UQCRB: variants seen among roughly 807,000 people sequenced by gnomAD.
The protein encoded by UQCRB is cytochrome b-c1 complex subunit 7.
Under a neutral mutation model 19.8 loss-of-function variants are expected in UQCRB, and 12 were observed. The observed-to-expected ratio is 0.61, with a 90% CI of 0.39 to 0.98. The LOEUF (loss-of-function observed/expected upper bound fraction) is 0.98, where lower values mean the gene tolerates loss of function less well. UQCRB is among the 50% of genes least tolerant of loss of function. The pLI is 0.00. For missense variants in UQCRB, 142 were observed against 131.8 expected, an observed-to-expected ratio of 1.08 and a Z score of -0.38; for synonymous variants, 39 against 42.9, an observed-to-expected ratio of 0.91 and a Z score of 0.35.
chr8:96,235,387 G>A (rs1205585999), intron 1 of UQCRB, 125 bp downstream of exon 1: 2 of 1,373,222 alleles, frequency 1.5e-6, no homozygotes, highest in Non-Finnish European at 2.1e-6. Context: ...CTGGACTGAA[G>A]CAGCCAATTT....
At chr8:96,231,222 T>A in intron 3 of UQCRB, 90 bp from the exon 4 acceptor site, 1 of 1,612,536 alleles carries the variant, frequency 6.2e-7, no homozygotes, top group Non-Finnish European at 8.5e-7. Context: ...AAAAAAGCAA[T>A]TACTTTTGAA....
In UQCRB at chr8:96,224,170, C is replaced by T. The variant is rs959490630; in HGVS notation, c.*6885G>A. 5.3e-5 allele frequency among the ~76,000 whole-genome samples: 8 copies of T among 152,072 alleles called. No homozygotes were observed. The highest frequency in any genetic ancestry group is 1.9e-4 in the African/African-American group (8 of 41,382). ...AGTGTGGCACACCCAATCAGGCAAA[C>T]CAAAGAATGTCCAATGAAGGGACAA... On this transcript the variant is annotated 3_prime_UTR_variant, in exon 4 of 4. Transcript: ENST00000287022.
chr8:96,231,407 G>A, intron 3 of UQCRB: 1 of 1,537,294 alleles, frequency 6.5e-7, no homozygotes. Context: ...CAGTTCAAGG[G>A]GTGAGAGTTT....
At position 96,224,393 on chromosome 8, in the gene UQCRB, C is replaced by G. The variant is rs1233731247; in HGVS notation, c.*6662G>C. 6.6e-6 allele frequency among the ~76,000 whole-genome samples: 1 copy of G among 152,156 alleles called. No homozygotes were observed. The highest frequency in any genetic ancestry group is 1.9e-4 in the East Asian group (1 of 5,186). On this transcript the variant is annotated 3_prime_UTR_variant, in exon 4 of 4. Transcript: ENST00000287022. Reference sequence around the variant, plus strand: ...CCTCTCTTGCAGGTGGCCACCCTCCCCACACTGGCTGGCCAAGCCCAAGCC... The same window carrying G: ...CCTCTCTTGCAGGTGGCCACCCTCCGCACACTGGCTGGCCAAGCCCAAGCC...
Position 96,223,738 on chromosome 8 carries a change from G to T in UQCRB, c.*7317C>A, listed in dbSNP as rs1235258722. 6.6e-6 allele frequency among the ~76,000 whole-genome samples: 1 copy of T among 152,208 alleles called. No individual in the cohort carries two copies. The highest frequency in any genetic ancestry group is 1.5e-5 in the Non-Finnish European group (1 of 68,030). ...AGGTAGAATTTTGCAGAATGTGTTT[G>T]GGGAAGAGGGAGTTAAAACAGGAGG... On this transcript the variant is annotated 3_prime_UTR_variant, in exon 4 of 4. Coordinates refer to ENST00000287022, the MANE Select transcript of UQCRB (RefSeq NM_006294.5).
At position 96,229,230 on chromosome 8, in the gene UQCRB, A is replaced by C. The variant is rs1471669175; in HGVS notation, c.*1825T>G. The C allele has an allele frequency of 2.2e-6, 1 of 454,034 alleles. No homozygotes were observed. The highest frequency in any genetic ancestry group is 4.4e-6 in the Non-Finnish European group (1 of 226,812). The allele number at this position is 454,034 out of a possible 1,614,324, so 28.1% of individuals were successfully genotyped here. ...AAAATCAGAGGTTGCCTTATGTAAT[A>C]CCACACTTTACCTTGAGCAGGTGGA... is the stretch of plus-strand genomic sequence containing the variant. On this transcript the variant is annotated 3_prime_UTR_variant, in exon 4 of 4. Transcript: ENST00000287022.
chr8:96,223,635 A>G lies in UQCRB; in HGVS notation c.*7420T>C, dbSNP rs965714521. On this transcript the variant is annotated 3_prime_UTR_variant, in exon 4 of 4. Transcript: ENST00000287022. The stretch of plus-strand genomic sequence containing the variant: ...GAATTTAATTTTTGTCTTAAAGTAA[A>G]GCTAGAATTTAGACAGAGTATGGTG... 2.1e-4 allele frequency among the ~76,000 whole-genome samples: 24 copies of G among 115,664 alleles called. No homozygotes were observed. Among genetic ancestry groups the G allele is most frequent in the Admixed American group, 3.1e-4 (4 of 12,838 alleles). The allele number at this position is 115,664 out of a possible 152,430, so 75.9% of individuals were successfully genotyped here.
Position 96,230,888 on chromosome 8 carries a change from G to T in UQCRB, c.*167C>A. On this transcript the variant is annotated 3_prime_UTR_variant, in exon 4 of 4. Transcript: ENST00000287022. ...GTTTGGAAAAAAATTTAACAGTAAA[G>T]GGATTCAGTAGTTATTCAGTATAAG... 1.2e-6 allele frequency: 1 copy of T among 801,248 alleles called. No homozygotes were observed. Among genetic ancestry groups the T allele is most frequent in the Non-Finnish European group, 2.2e-6 (1 of 462,590 alleles). 49.6% of individuals were successfully genotyped at this position (801,248 alleles called of 1,614,324 possible).
In UQCRB at chr8:96,227,106, T is replaced by C. The variant is rs932781010; in HGVS notation, c.*3949A>G. On this transcript the variant is annotated 3_prime_UTR_variant, in exon 4 of 4. Coordinates refer to ENST00000287022, the MANE Select transcript of UQCRB (RefSeq NM_006294.5). ...TAACATCTATAGACTTTATTAGGTG[T>C]TCCTTATACAGTCATCTGGTATGTT... 2.6e-5 allele frequency: 12 copies of C among 452,958 alleles called. No individual in the cohort carries two copies. The highest frequency in any genetic ancestry group is 5.3e-5 in the Non-Finnish European group (12 of 226,448). 28.1% of individuals were successfully genotyped at this position (452,958 alleles called of 1,614,324 possible).
intron 2 of UQCRB, chr8:96,232,197 T>G: frequency 2.3e-6 from 1 of 432,438 alleles, no homozygotes; most frequent in Non-Finnish European, 4.2e-6. Flanking sequence ...GGAAACAATA[T>G]ATGAGCCTCT....
chr8:96,225,259 T>C lies in UQCRB; in HGVS notation c.*5796A>G, dbSNP rs1163312308. Among the ~76,000 whole-genome samples, 1 of 152,200 alleles carries C rather than the reference T, an allele frequency of 6.6e-6. No individual in the cohort carries two copies. The highest frequency in any genetic ancestry group is 1.5e-5 in the Non-Finnish European group (1 of 68,040). ...CTACTCAATCCAAGAAATGCAAGTT[T>C]AAACAAGAAACTCTCCAACCAAATT... On this transcript the variant is annotated 3_prime_UTR_variant, in exon 4 of 4. Coordinates refer to ENST00000287022, the MANE Select transcript of UQCRB (RefSeq NM_006294.5).
rs776177377 is a variant in UQCRB, at chr8:96,230,340, G to C, written c.*715C>G. The C allele has an allele frequency of 1.9e-5, 8 of 422,948 alleles. No individual in the cohort carries two copies. The highest frequency in any genetic ancestry group is 3.7e-5 in the Non-Finnish European group (8 of 213,476). 26.2% of individuals were successfully genotyped at this position (422,948 alleles called of 1,614,324 possible). ...GACCCGCCCGCCTCGGCCTCCCAAAGTGCTGGGATTACAGGCATGAGCCAC... is the reference window on the plus strand; with the variant it reads ...GACCCGCCCGCCTCGGCCTCCCAAACTGCTGGGATTACAGGCATGAGCCAC... On this transcript the variant is annotated 3_prime_UTR_variant, in exon 4 of 4. Transcript: ENST00000287022.
rs2129764968 is a variant in UQCRB, at chr8:96,224,171, C to A, written c.*6884G>T. On this transcript the variant is annotated 3_prime_UTR_variant, in exon 4 of 4. Coordinates refer to ENST00000287022, the MANE Select transcript of UQCRB (RefSeq NM_006294.5). ...GTGTGGCACACCCAATCAGGCAAAC[C>A]AAAGAATGTCCAATGAAGGGACAAT... Among the ~76,000 whole-genome samples the A allele has an allele frequency of 6.6e-6, 1 of 152,202 alleles. No homozygotes were observed. The highest frequency in any genetic ancestry group is 1.9e-4 in the East Asian group (1 of 5,180).
In UQCRB at chr8:96,226,747, G is replaced by GT; in HGVS notation, c.*4307dup. 2.5e-6 allele frequency: 1 copy of GT among 395,134 alleles called. No homozygotes were observed. Among genetic ancestry groups the GT allele is most frequent in the Non-Finnish European group, 4.9e-6 (1 of 204,748 alleles). The allele number at this position is 395,134 out of a possible 1,614,324, so 24.5% of individuals were successfully genotyped here. ...TACATTTATGCAAAAATAGGCACATGTATTCAAACAAAAAGTTCAATAAAT... is the reference window on the plus strand; with the variant it reads ...TACATTTATGCAAAAATAGGCACATGTTATTCAAACAAAAAGTTCAATAAAT... On this transcript the variant is annotated 3_prime_UTR_variant, in exon 4 of 4. Coordinates refer to ENST00000287022, the MANE Select transcript of UQCRB (RefSeq NM_006294.5).
At chr8:96,234,396 T>C (rs1809750662) in intron 1 of UQCRB, 1 of 716,852 alleles carries the variant, frequency 1.4e-6, no homozygotes, top group Admixed American at 2.6e-5. Flanking sequence ...TACATGTCTG[T>C]TACTACAGAA....
rs73269961 is a variant in UQCRB at position 96,227,724 on chromosome 8, G to A, written c.*3331C>T. The A allele has an allele frequency of 2.5e-3, 1,156 of 453,672 alleles. 7 individuals are homozygous for A. The highest frequency in any genetic ancestry group is 0.021 in the African/African-American group (1,075 of 50,068). 28.1% of individuals were successfully genotyped at this position (453,672 alleles called of 1,614,324 possible). ...GTGAAGGATTATTACTTTGGGCTTT[G>A]GCCCAGTTTTTATTCTTACTGCTGA... On this transcript the variant is annotated 3_prime_UTR_variant, in exon 4 of 4. Transcript: ENST00000287022.
rs1221142005 is a variant in UQCRB, at chr8:96,228,566, C to T, written c.*2489G>A. ...CGACATTGATGATATTCAGCGTTTT[C>T]CCAAGTTATTCTTTCTCGCTTCTCA... is the stretch of plus-strand genomic sequence containing the variant. On this transcript the variant is annotated 3_prime_UTR_variant, in exon 4 of 4. Transcript: ENST00000287022. The T allele has an allele frequency of 2.2e-6, 1 of 453,972 alleles. No homozygotes were observed. Among genetic ancestry groups the T allele is most frequent in the Non-Finnish European group, 4.4e-6 (1 of 226,788 alleles). 28.1% of individuals were successfully genotyped at this position (453,972 alleles called of 1,614,324 possible). A position where few individuals can be genotyped will look rare whatever the true frequency, so the allele number is the denominator to read the frequency against.
rs771528087 is a variant in UQCRB, at chr8:96,235,499, C to G, written c.19+13G>C. 28 of 1,614,210 alleles carry G rather than the reference C, an allele frequency of 1.7e-5. No homozygotes were observed. In the South Asian group the frequency reaches 3.1e-4, roughly 18 times the overall value. On this transcript the variant is annotated intron_variant, in intron 1 of 3. Transcript: ENST00000287022. ...CGCGACGATGCCGGCCAAGAAGACCCCCAGTTACTTACCGGCCTGCTTACC... is the reference window on the plus strand; with the variant it reads ...CGCGACGATGCCGGCCAAGAAGACCGCCAGTTACTTACCGGCCTGCTTACC...
Position 96,223,687 on chromosome 8 carries a change from C to T in UQCRB, c.*7368G>A, listed in dbSNP as rs1424491741. Among the ~76,000 whole-genome samples, 5 of 151,940 alleles carry T rather than the reference C, an allele frequency of 3.3e-5. No individual in the cohort carries two copies. The East Asian group carries it at 9.6e-4, about 29-fold the overall frequency. On this transcript the variant is annotated 3_prime_UTR_variant, in exon 4 of 4. Coordinates refer to ENST00000287022, the MANE Select transcript of UQCRB (RefSeq NM_006294.5). ...GGATTGCAAGTGCCATTGCAGGGGA[C>T]TGAGAATAGAAGGAAAAAAGGTTAG...
Sources: gnomAD v4.1 joint callset for allele counts (sites outside exome capture counted in the v4.1 genomes callset) on GRCh38, gnomAD v4.1.1 for gene constraint, MANE v1.5 for transcripts, NCBI Gene and HGNC (gene_info 2026-07-23, HGNC 2026-07-21) for gene names.